The following LRRK1 variants were observed in gnomAD, a reference collection of about 807,000 sequenced individuals.
LRRK1 encodes leucine-rich repeat serine/threonine-protein kinase 1.
LRRK1 carries 113 observed loss-of-function variants against 209.1 expected under a neutral mutation model. The ratio of observed to expected loss-of-function variants is 0.54; its 90% confidence interval spans 0.46 to 0.63. The LOEUF (loss-of-function observed/expected upper bound fraction) is 0.63, where lower values mean the gene tolerates loss of function less well. LRRK1 is among the 30% of genes least tolerant of loss of function. The probability of loss-of-function intolerance (pLI) is 0.00; values close to 1 mark genes in which losing one functional copy is unlikely to be tolerated. For synonymous variants in LRRK1, 1,144 were observed against 1,099.7 expected (o/e 1.04, Z -0.80); for missense variants, 2,284 against 2,632.2 (o/e 0.87, Z 2.89).
intron 33 of LRRK1, among the ~76,000 whole-genome samples, chr15:101,067,865 C>T (rs959678617): frequency 2.6e-5 from 4 of 152,236 alleles, no homozygotes; most frequent in African/African-American, 9.6e-5. Flanking sequence ...AATGTCCTAA[C>T]GTTTAGCTGT....
At chr15:100,943,245 C>T (rs2042476278) in intron 2 of LRRK1, among the ~76,000 whole-genome samples, 1 of 152,152 alleles carries the variant, frequency 6.6e-6, no homozygotes, top group Admixed American at 6.6e-5. Context: ...TTGTTTTCTG[C>T]CTTTTTAATA....
chr15:101,053,535 AC>A, intron 26 of LRRK1, 115 bp downstream of exon 26: 1 of 889,238 alleles, frequency 1.1e-6, no homozygotes, highest in Non-Finnish European at 1.7e-6. Flanking sequence ...GGCACGCCCA[AC>A]CCATGGCTCG....
intron 2 of LRRK1, among the ~76,000 whole-genome samples, chr15:100,972,092 A>G (rs1001642599): frequency 6.6e-6 from 1 of 151,886 alleles, no homozygotes; most frequent in Non-Finnish European, 1.5e-5. Context: ...CCACCTGAGT[A>G]GCTGGGATTA....
chr15:100,978,552 G>A (rs1325718553), intron 3 of LRRK1, among the ~76,000 whole-genome samples: 2 of 152,084 alleles, frequency 1.3e-5, no homozygotes, highest in Non-Finnish European at 2.9e-5. Context: ...AATCACCAAC[G>A]TCAGAAGGGA....
intron 26 of LRRK1, 145 bp downstream of exon 26, chr15:101,053,565 G>T: frequency 1.4e-6 from 1 of 701,084 alleles, no homozygotes; most frequent in Non-Finnish European, 2.3e-6. Context: ...TCCCCTGGCT[G>T]CGAGGCCAGG....
intron 4 of LRRK1, 115 bp downstream of exon 4, chr15:100,983,814 G>A (rs1350472274): frequency 9.1e-7 from 1 of 1,099,420 alleles, no homozygotes; most frequent in Non-Finnish European, 1.4e-6. Context: ...AGAAATACAG[G>A]GTAGGCCATT....
chr15:100,946,967 T>TTTTTTA (rs1253576593), intron 2 of LRRK1, among the ~76,000 whole-genome samples: 1 of 152,178 alleles, frequency 6.6e-6, no homozygotes, highest in Non-Finnish European at 1.5e-5. Flanking sequence ...TCTTTCTTTC[T>TTTTTTA]TTTTTCTTTT....
intron 22 of LRRK1, 24 bp from the exon 23 acceptor site, chr15:101,049,620 C>T (rs566312706): frequency 1.2e-6 from 2 of 1,610,054 alleles, no homozygotes; most frequent in Non-Finnish European, 1.7e-6. Flanking sequence ...TCGCAATGGG[C>T]TCCTTTTGGT....
intron 2 of LRRK1, among the ~76,000 whole-genome samples, chr15:100,948,563 T>G (rs1269400699): frequency 6.6e-6 from 1 of 152,266 alleles, no homozygotes; most frequent in Non-Finnish European, 1.5e-5. Flanking sequence ...TTACCTTGTT[T>G]CTGTGTTTTG....
At chr15:100,936,878 C>T (rs367962833) in intron 2 of LRRK1, among the ~76,000 whole-genome samples, 17 of 152,242 alleles carry the variant, frequency 1.1e-4, no homozygotes, top group African/African-American at 3.6e-4. Flanking sequence ...AGTTTCCATA[C>T]TAAAAATGTT....
chr15:100,937,912 G>A (rs969373779), intron 2 of LRRK1, among the ~76,000 whole-genome samples: 6 of 151,924 alleles, frequency 3.9e-5, no homozygotes, highest in East Asian at 1.9e-4. Context: ...GTGCAGTGGC[G>A]ACCTCTCGGC....
At chr15:100,955,851 G>T (rs887722979) in intron 2 of LRRK1, among the ~76,000 whole-genome samples, 1 of 152,076 alleles carries the variant, frequency 6.6e-6, no homozygotes, top group Non-Finnish European at 1.5e-5. Context: ...CTTCATAATG[G>T]TGTATGATTT....
intron 3 of LRRK1, chr15:100,974,279 G>T (rs1469056308): frequency 1.1e-5 from 3 of 265,408 alleles, no homozygotes; most frequent in African/African-American, 4.4e-5. Flanking sequence ...CGTTTTTGTC[G>T]TTATAAAAAG....
chr15:100,937,972 T>C (rs59120167), intron 2 of LRRK1, among the ~76,000 whole-genome samples: 31,587 of 151,632 alleles, frequency 0.21, 6,815 homozygotes, highest in African/African-American at 0.55. Flanking sequence ...TACCTCATCC[T>C]CCTAAGTAGC....
chr15:101,022,682 G>A lies in LRRK1; in HGVS notation c.2067+85G>A, dbSNP rs534911448. On this transcript the variant is annotated intron_variant, in intron 15 of 33. Coordinates refer to ENST00000388948, the MANE Select transcript of LRRK1 (RefSeq NM_024652.6). This position sits in a 1 kb window ranked among gnomAD's most constrained non-coding sequence, Gnocchi z 4.0. ...TCTCCCTTCTCCCCAGAGAGCCCAG[G>A]ATTTTCTCAGCCTGGTGTCCAAAGC... The A allele has an allele frequency of 2.0e-6, 2 of 993,208 alleles. No individual in the cohort carries two copies. Among genetic ancestry groups the A allele is most frequent in the African/African-American group, 1.6e-5 (1 of 62,722 alleles). 61.5% of individuals were successfully genotyped at this position (993,208 alleles called of 1,614,324 possible). A position where few individuals can be genotyped will look rare whatever the true frequency, so the allele number is the denominator to read the frequency against.
chr15:100,931,572 G>A (rs1596158830), intron 2 of LRRK1, among the ~76,000 whole-genome samples: 1 of 152,178 alleles, frequency 6.6e-6, no homozygotes, highest in East Asian at 1.9e-4. Flanking sequence ...GAGGCAAGTG[G>A]GTGGTCACAG....
chr15:101,000,579 G>A (rs2032636693), intron 6 of LRRK1, among the ~76,000 whole-genome samples: 1 of 152,320 alleles, frequency 6.6e-6, no homozygotes, highest in South Asian at 2.1e-4. Flanking sequence ...GAAGCCCTGA[G>A]GGAGGGTCTT....
intron 2 of LRRK1, among the ~76,000 whole-genome samples, chr15:100,934,945 G>GGTCT (rs566931219): frequency 2.0e-4 from 30 of 152,252 alleles, no homozygotes; most frequent in African/African-American, 6.7e-4. Context: ...TTGAATCTCA[G>GGTCT]GTCTGCTCAG....
chr15:101,045,891 C>T (rs2035047018), intron 20 of LRRK1, 90 bp from the exon 21 acceptor site: 5 of 1,116,360 alleles, frequency 4.5e-6, no homozygotes, highest in South Asian at 1.4e-5. Flanking sequence ...CCAGCACAGC[C>T]TGTCCCCAGA....
Sources: gnomAD v4.1 joint callset for allele counts (sites outside exome capture counted in the v4.1 genomes callset) on GRCh38, gnomAD v4.1.1 for gene constraint, Gnocchi (gnomAD v3.1) non-coding constraint, MANE v1.5 for transcripts, NCBI Gene and HGNC (gene_info 2026-07-23, HGNC 2026-07-21) for gene names.